Variants in DIP2B observed in about 807,000 individuals in gnomAD.
DIP2B encodes DIP2 acetate--CoA ligase B (putative).
Under a neutral mutation model 198.0 loss-of-function variants are expected in DIP2B, and 76 were observed. The observed-to-expected ratio is 0.38, with a 90% CI of 0.32 to 0.46. The LOEUF is 0.46. Among genes scored for constraint, DIP2B ranks in the 20% least tolerant of loss-of-function variants. The pLI, the probability that DIP2B is intolerant of heterozygous loss-of-function variation, is 0.99. For synonymous variants in DIP2B, 701 were observed against 739.1 expected, an observed-to-expected ratio of 0.95 and a Z score of 0.84; for missense variants, 1,559 against 1,978.4, an observed-to-expected ratio of 0.79 and a Z score of 4.02.
chr12:50,522,248 G>A (rs1565811732), intron 1 of DIP2B, among the ~76,000 whole-genome samples: 1 of 151,958 alleles, frequency 6.6e-6, no homozygotes, highest in Admixed American at 6.6e-5. Context: ...TGATCCACAC[G>A]CCTTGGCCTC....
intron 26 of DIP2B, among the ~76,000 whole-genome samples, chr12:50,721,821 A>T (rs777455672): frequency 2.6e-5 from 4 of 152,208 alleles, no homozygotes; most frequent in Non-Finnish European, 5.9e-5. Context: ...GATGTTACTC[A>T]GGAGGAATAA....
At position 50,747,030 on chromosome 12, in the gene DIP2B, G is replaced by A. The variant is rs1940349967; in HGVS notation, c.*2191G>A. On this transcript the variant is annotated 3_prime_UTR_variant, in exon 38 of 38. Coordinates refer to ENST00000301180, the MANE Select transcript of DIP2B (RefSeq NM_173602.3). ...AAAGTAAAAAGAAACCCATGGTATT[G>A]ATTTAAATATATTTTATTTAACCCA... 6.6e-6 allele frequency: 1 copy of A among 152,112 alleles called. No homozygotes were observed. Among genetic ancestry groups the A allele is most frequent in the East Asian group, 1.9e-4 (1 of 5,196 alleles). The allele number at this position is 152,112 out of a possible 1,614,324, so 9.4% of individuals were successfully genotyped here.
Position 50,744,746 on chromosome 12 carries a change from G to T in DIP2B, c.4638G>T (p.Pro1546=). The T allele has an allele frequency of 6.2e-7, 1 of 1,614,104 alleles. No homozygotes were observed. The highest frequency in any genetic ancestry group is 1.1e-5 in the South Asian group (1 of 91,078). ...TTGTGGTGGACCCAGGTGTCATCCCGATCAACTCCAGAGGAGAGAAGCAGA... is the reference window on the plus strand; with the variant it reads ...TTGTGGTGGACCCAGGTGTCATCCCTATCAACTCCAGAGGAGAGAAGCAGA... The part of the protein sequence containing the change: ...VVVVVDPGVI[P]INSRGEKQRM... The change falls in exon 38 of 38, where the codon CCG becomes CCT. Residue 1546 remains proline (P), a synonymous_variant. Coordinates refer to ENST00000301180, the MANE Select transcript of DIP2B (RefSeq NM_173602.3).
At chr12:50,526,477 T>C (rs1958165720) in intron 1 of DIP2B, among the ~76,000 whole-genome samples, 1 of 152,194 alleles carries the variant, frequency 6.6e-6, no homozygotes, top group Non-Finnish European at 1.5e-5. Flanking sequence ...GTATTTATTA[T>C]GCAAATACTT....
intron 1 of DIP2B, among the ~76,000 whole-genome samples, chr12:50,599,008 G>C (rs1958912891): frequency 7.7e-6 from 1 of 129,044 alleles, no homozygotes; most frequent in Non-Finnish European, 1.6e-5. Context: ...AAAAACTCTT[G>C]GCTGGGCACA....
intron 1 of DIP2B, among the ~76,000 whole-genome samples, chr12:50,519,318 C>G (rs965359411): frequency 1.3e-5 from 2 of 152,082 alleles, no homozygotes; most frequent in Admixed American, 1.3e-4. Flanking sequence ...CCAGGTTCGC[C>G]TTAAACTCCT....
intron 3 of DIP2B, among the ~76,000 whole-genome samples, chr12:50,641,301 G>A (rs953536263): frequency 5.9e-5 from 9 of 152,176 alleles, no homozygotes; most frequent in African/African-American, 2.2e-4. Flanking sequence ...AGGTTGCAGT[G>A]AGCTGAGATC....
intron 1 of DIP2B, among the ~76,000 whole-genome samples, chr12:50,506,181 A>G (rs1323213715): frequency 1.3e-5 from 2 of 152,146 alleles, no homozygotes; most frequent in Admixed American, 1.3e-4. Flanking sequence ...TGTTTTTATC[A>G]CTGGCTGCCC....
chr12:50,629,181 C>T (rs1261418288), intron 2 of DIP2B, among the ~76,000 whole-genome samples: 1 of 152,182 alleles, frequency 6.6e-6, no homozygotes, highest in Non-Finnish European at 1.5e-5. Context: ...CATGTCCTAC[C>T]TACTCTTCTT....
intron 1 of DIP2B, among the ~76,000 whole-genome samples, chr12:50,505,662 T>C (rs1362909821): frequency 6.6e-6 from 1 of 151,996 alleles, no homozygotes; most frequent in Non-Finnish European, 1.5e-5. Context: ...CAGCCCCCCC[T>C]TCCCCCTTTC....
intron 1 of DIP2B, among the ~76,000 whole-genome samples, chr12:50,534,437 A>G (rs905353687): frequency 8.7e-4 from 123 of 141,882 alleles, no homozygotes; most frequent in African/African-American, 3.1e-3. Context: ...TAGTAGCGCA[A>G]TCTCGGTTCA....
At chr12:50,732,596 G>C in intron 32 of DIP2B, 60 bp downstream of exon 32, 1 of 1,589,440 alleles carries the variant, frequency 6.3e-7, no homozygotes, top group Non-Finnish European at 8.6e-7. Context: ...GTATCCCAGA[G>C]CATGGGCTTT....
At chr12:50,736,806 G>A (rs1940145922) in intron 34 of DIP2B, among the ~76,000 whole-genome samples, 1 of 152,172 alleles carries the variant, frequency 6.6e-6, no homozygotes, top group African/African-American at 2.4e-5. Context: ...TTTTATTTTT[G>A]AGGCTGAGTT....
intron 1 of DIP2B, among the ~76,000 whole-genome samples, chr12:50,607,873 A>C (rs527790169): frequency 1.1e-4 from 16 of 152,202 alleles, no homozygotes; most frequent in Non-Finnish European, 1.9e-4. Flanking sequence ...GGCTCACTGC[A>C]ACCTCTGCCT....
chr12:50,701,973 T>C (rs1398552847), intron 19 of DIP2B, among the ~76,000 whole-genome samples: 1 of 152,154 alleles, frequency 6.6e-6, no homozygotes, highest in African/African-American at 2.4e-5. Context: ...TTAAGAATTA[T>C]ACAGATGAGG....
rs540273404 is a variant in DIP2B, at chr12:50,527,435, A to T, written c.100+22195A>T. On this transcript the variant is annotated intron_variant, in intron 1 of 37. Transcript: ENST00000301180. ...TAGGAAAATAACAAAAATCTTATTT[A>T]CTTATTATATTGTGAACTTCAGGTT... Among the ~76,000 whole-genome samples, 46 of 152,324 alleles carry T rather than the reference A, an allele frequency of 3.0e-4. No homozygotes were observed. The South Asian group carries it at 7.9e-3, about 26-fold the overall frequency.
chr12:50,632,150 G>A (rs2139477640), intron 2 of DIP2B, among the ~76,000 whole-genome samples: 1 of 152,088 alleles, frequency 6.6e-6, no homozygotes, highest in Non-Finnish European at 1.5e-5. Context: ...TTTTTAAATG[G>A]CATTGGAATG....
intron 29 of DIP2B, 107 bp from the exon 30 acceptor site, chr12:50,728,441 T>C: frequency 7.6e-7 from 1 of 1,311,194 alleles, no homozygotes; most frequent in Non-Finnish European, 1.0e-6. Flanking sequence ...AATTATGCAT[T>C]GTTTTGAGGA....
intron 1 of DIP2B, among the ~76,000 whole-genome samples, chr12:50,526,944 T>G (rs1958172020): frequency 6.6e-6 from 1 of 152,176 alleles, no homozygotes; most frequent in African/African-American, 2.4e-5. Flanking sequence ...CCTTTTTTCC[T>G]CTGTCTTAAC....
Sources: allele counts gnomAD v4.1 joint callset (sites outside exome capture counted in the v4.1 genomes callset), GRCh38; gene constraint gnomAD v4.1.1; transcripts MANE v1.5; gene names NCBI Gene and HGNC (gene_info 2026-07-23, HGNC 2026-07-21).